The following PFKM variants were observed in gnomAD, a reference collection of about 807,000 sequenced individuals.
The protein encoded by PFKM is ATP-dependent 6-phosphofructokinase, muscle type.
In PFKM, 58 loss-of-function variants were observed where a neutral mutation model predicts 95.5. That is an observed-to-expected ratio of 0.61 (90% CI 0.49 to 0.76). PFKM has a LOEUF of 0.76. PFKM is among the 30% of genes least tolerant of loss of function. PFKM has a pLI of 0.00. For missense variants in PFKM, 678 were observed against 1,005.4 expected, an observed-to-expected ratio of 0.67 and a Z score of 4.40; for synonymous variants, 336 against 357.2, an observed-to-expected ratio of 0.94 and a Z score of 0.67.
intron 17 of PFKM, chr12:48,142,342 A>G (rs1950644393): frequency 4.3e-6 from 2 of 462,596 alleles, no homozygotes; most frequent in Non-Finnish European, 7.9e-6. Context: ...GTGTGGTGGT[A>G]GGCGCCTGTA....
rs778906652 is a variant in PFKM, at chr12:48,139,393, C to T, written c.1127+44C>T. 13 of 1,503,574 alleles carry T rather than the reference C, an allele frequency of 8.6e-6. No individual in the cohort carries two copies. The highest frequency in any genetic ancestry group is 5.6e-5 in the South Asian group (5 of 88,698). 93.1% of individuals were successfully genotyped at this position (1,503,574 alleles called of 1,614,324 possible). A position where few individuals can be genotyped will look rare whatever the true frequency, so the allele number is the denominator to read the frequency against. On this transcript the variant is annotated intron_variant, in intron 12 of 22. Transcript: ENST00000359794. ...GCTCACTAGCTACAGAAATCAGAGGCGTGAACGAAGCCAAAGATCTCCATG... is the reference window on the plus strand; with the variant it reads ...GCTCACTAGCTACAGAAATCAGAGGTGTGAACGAAGCCAAAGATCTCCATG...
intron 2 of PFKM, among the ~76,000 whole-genome samples, chr12:48,128,302 C>T (rs1377844325): frequency 6.6e-6 from 1 of 152,018 alleles, no homozygotes; most frequent in African/African-American, 2.4e-5. Flanking sequence ...GATGGGGTCT[C>T]ACTGTGTTGC....
At chr12:48,139,498 T>TTG (rs1303796689) in intron 12 of PFKM, 149 bp downstream of exon 12, 23 of 706,682 alleles carry the variant, frequency 3.3e-5, no homozygotes, top group Non-Finnish European at 5.8e-5. Context: ...AGAAAATTAG[T>TTG]TGTGAGGTGA....
rs1237228775 is a variant in PFKM at position 48,119,366 on chromosome 12, T to C, written c.-49T>C. The C allele has an allele frequency of 4.1e-6, 4 of 985,224 alleles. No homozygotes were observed. The highest frequency in any genetic ancestry group is 6.2e-5 in the Admixed American group (1 of 16,236). The allele number at this position is 985,224 out of a possible 1,614,324, so 61.0% of individuals were successfully genotyped here. A position where few individuals can be genotyped will look rare whatever the true frequency, so the allele number is the denominator to read the frequency against. On this transcript the variant is annotated 5_prime_UTR_variant, in exon 1 of 23. Coordinates refer to ENST00000359794, the MANE Select transcript of PFKM (RefSeq NM_000289.6). ...CCCCTCCCCCCTTTCCCAAGGACAA[T>C]CTGCAAGAAAGCAGCGGCGGAGGAG...
chr12:48,138,271 A>G (rs1437082433), intron 11 of PFKM, among the ~76,000 whole-genome samples: 1 of 152,240 alleles, frequency 6.6e-6, no homozygotes, highest in Non-Finnish European at 1.5e-5. Flanking sequence ...ACACGAGGTT[A>G]CTAATGCTAA....
intron 9 of PFKM, 115 bp downstream of exon 9, chr12:48,135,153 C>G: frequency 9.1e-7 from 1 of 1,100,492 alleles, no homozygotes; most frequent in Non-Finnish European, 1.4e-6. Context: ...CTCCCTGGTT[C>G]CCTGCCCCTG....
exon 3 of PFKM, chr12:48,108,132 TGAA>T: frequency 6.3e-7 from 1 of 1,598,974 alleles, no homozygotes. Context: ...ACAGACATCT[TGAA>T]GAGTCTAGAT....
chr12:48,128,491 C>T (rs1254247881), intron 2 of PFKM, among the ~76,000 whole-genome samples: 1 of 152,142 alleles, frequency 6.6e-6, no homozygotes, highest in Non-Finnish European at 1.5e-5. Context: ...TTGGTATTCC[C>T]AGACTCTGTG....
chr12:48,126,933 A>G (rs893809100), intron 2 of PFKM, among the ~76,000 whole-genome samples: 3 of 152,226 alleles, frequency 2.0e-5, no homozygotes, highest in African/African-American at 7.2e-5. Context: ...TCCTCAAGCT[A>G]CTGAGAAGCC....
At chr12:48,113,686 GT>G (rs1185733375) in intron 3 of PFKM, among the ~76,000 whole-genome samples, 1 of 152,202 alleles carries the variant, frequency 6.6e-6, no homozygotes, top group Non-Finnish European at 1.5e-5. Context: ...TGTGGCTGGG[GT>G]TTCTCTCACA....
In PFKM at chr12:48,145,495, A is replaced by G. The variant is rs1341620019; in HGVS notation, c.2199-69A>G. On this transcript the variant is annotated intron_variant, in intron 22 of 22. Coordinates refer to ENST00000359794, the MANE Select transcript of PFKM (RefSeq NM_000289.6). This position sits in a 1 kb window ranked among gnomAD's most constrained non-coding sequence, Gnocchi z 4.3. ...AACCTCTTCTGTCTAACTTCTTCCT[A>G]TAAACCTTTGGTAGAAGTTGATTGG... 1.3e-6 allele frequency: 2 copies of G among 1,588,520 alleles called. No individual in the cohort carries two copies. The highest frequency in any genetic ancestry group is 1.7e-5 in the Admixed American group (1 of 59,656).
At chr12:48,135,143 CT>C in intron 9 of PFKM, 105 bp downstream of exon 9, 1 of 1,111,174 alleles carries the variant, frequency 9.0e-7, no homozygotes, top group Non-Finnish European at 1.4e-6. Flanking sequence ...CTGCACATCT[CT>C]CCCTGGTTCC....
intron 4 of PFKM, 164 bp from the exon 5 acceptor site, chr12:48,132,704 G>A: frequency 4.4e-6 from 3 of 679,634 alleles, no homozygotes; most frequent in Non-Finnish European, 7.9e-6. Context: ...GCCTCAGCCA[G>A]CATCATTTCC....
At position 48,139,858 on chromosome 12, in the gene PFKM, G is replaced by C. The variant is rs142350679; in HGVS notation, c.1137G>C (p.Met379Ile). Residue 379 changes from methionine to isoleucine, a missense_variant, in exon 13 of 23, where the codon ATG becomes ATC. Physicochemically the swap from Met to Ile is conservative, Grantham distance 10 (BLOSUM62 1). Coordinates refer to ENST00000359794, the MANE Select transcript of PFKM (RefSeq NM_000289.6). Reference protein sequence around the residue: ...EALKLRGRSFMNNWEVYKLLA... With the variant: ...EALKLRGRSFINNWEVYKLLA... ...TTTGTACTTCCTACAGGAGCTTCAT[G>C]AACAACTGGGAGGTGTACAAGCTTC... 1.2e-6 allele frequency: 2 copies of C among 1,610,750 alleles called. No individual in the cohort carries two copies. The highest frequency in any genetic ancestry group is 1.7e-6 in the Non-Finnish European group (2 of 1,176,918).
intron 11 of PFKM, 93 bp from the exon 12 acceptor site, chr12:48,139,192 C>T (rs1392957400): frequency 3.1e-6 from 3 of 967,794 alleles, no homozygotes; most frequent in African/African-American, 1.6e-5. Context: ...AGTCACAATC[C>T]CAGAGATGGG....
upstream of PFKM, chr12:48,118,464 T>G: frequency 7.8e-7 from 1 of 1,282,994 alleles, no homozygotes; most frequent in Non-Finnish European, 1.1e-6. Context: ...TCACTTGCAT[T>G]TGTATTGTTT....
intron 1 of PFKM, chr12:48,107,237 T>C: frequency 1.5e-6 from 1 of 661,988 alleles, no homozygotes; most frequent in Non-Finnish European, 2.7e-6. Flanking sequence ...CCTCATGTGC[T>C]GATACTTTTA....
chr12:48,112,868 G>A (rs149689357), intron 3 of PFKM, among the ~76,000 whole-genome samples: 11 of 152,246 alleles, frequency 7.2e-5, no homozygotes, highest in African/African-American at 2.4e-4. Flanking sequence ...AGTGTGCTGC[G>A]GGATGGGATA....
At chr12:48,115,274 C>A (rs889306703), upstream of PFKM, among the ~76,000 whole-genome samples, 19 of 152,204 alleles carry the variant, frequency 1.2e-4, no homozygotes, top group African/African-American at 4.3e-4. Flanking sequence ...GTGAAGAGAT[C>A]ACCAAACAGG....
Sources: allele counts gnomAD v4.1 joint callset (sites outside exome capture counted in the v4.1 genomes callset), GRCh38; gene constraint gnomAD v4.1.1; non-coding constraint Gnocchi (gnomAD v3.1); transcripts MANE v1.5; gene names NCBI Gene and HGNC (gene_info 2026-07-23, HGNC 2026-07-21).